Variants in NHLRC3 observed in about 807,000 individuals in gnomAD.
The protein encoded by NHLRC3 is NHL repeat-containing protein 3.
A neutral mutation model predicts 32.0 loss-of-function variants in NHLRC3; 23 were observed. That is an observed-to-expected ratio of 0.72 (90% CI 0.52 to 1.02). The LOEUF is 1.02. Among genes scored for constraint, NHLRC3 ranks in the 50% least tolerant of loss-of-function variants. NHLRC3 has a pLI of 0.00. For synonymous variants in NHLRC3, 159 were observed against 147.9 expected (o/e 1.08, Z -0.55); for missense variants, 407 against 406.8 (o/e 1.00, Z -0.01).
At chr13:39,044,568 A>C (rs565894841) in intron 5 of NHLRC3, 1 of 166,664 alleles carries the variant, frequency 6.0e-6, no homozygotes, top group South Asian at 2.0e-4. Flanking sequence ...ATATCTTTTC[A>C]CTTCTCAAGA....
intron 5 of NHLRC3, 57 bp downstream of exon 5, chr13:39,044,238 T>TGTGTGG: frequency 2.4e-6 from 2 of 827,196 alleles, no homozygotes; most frequent in South Asian, 3.3e-5. Context: ...TTTGTGTGTG[T>TGTGTGG]GTGTGTGTGT....
At chr13:39,038,420 G>A (rs923293188), upstream of NHLRC3, 4 of 576,154 alleles carry the variant, frequency 6.9e-6, no homozygotes, top group Admixed American at 6.1e-5. Context: ...ACCCCGAAAT[G>A]CACACGAAGT....
Position 39,043,974 on chromosome 13 carries a change from T to C in NHLRC3, c.587-116T>C, listed in dbSNP as rs1871560528. On this transcript the variant is annotated intron_variant, in intron 4 of 6. Transcript: ENST00000379600. Reference sequence around the variant, plus strand: ...TATAGACAGGAAAGCCGAGAAAGCATAGTCAAGTGAACCAGCGGTGTAATT... The same window carrying C: ...TATAGACAGGAAAGCCGAGAAAGCACAGTCAAGTGAACCAGCGGTGTAATT... The C allele has an allele frequency of 4.0e-6, 3 of 753,912 alleles. No individual in the cohort carries two copies. In the East Asian group the frequency reaches 7.5e-5, roughly 19 times the overall value. The allele number at this position is 753,912 out of a possible 1,614,324, so 46.7% of individuals were successfully genotyped here.
At chr13:39,044,654 C>T (rs1417543432) in intron 5 of NHLRC3, among the ~76,000 whole-genome samples, 1 of 152,210 alleles carries the variant, frequency 6.6e-6, no homozygotes, top group African/African-American at 2.4e-5. Context: ...TAGGCAAACT[C>T]TTGTTCTCAC....
At chr13:39,046,955 T>C in intron 5 of NHLRC3, 85 bp from the exon 6 acceptor site, 1 of 873,448 alleles carries the variant, frequency 1.1e-6, no homozygotes, top group South Asian at 1.4e-5. Context: ...AGATAATGTA[T>C]GGTGAAACTA....
chr13:39,038,411 C>G (rs1040963162), upstream of NHLRC3: 2 of 569,006 alleles, frequency 3.5e-6, no homozygotes, highest in Non-Finnish European at 6.3e-6. Flanking sequence ...AGGGCGGGGA[C>G]CCCGAAATGC....
intron 1 of NHLRC3, 75 bp from the exon 2 acceptor site, chr13:39,039,061 T>TTGC: frequency 3.9e-6 from 3 of 760,178 alleles, no homozygotes; most frequent in African/African-American, 1.7e-5. Context: ...TAAGCCCTGT[T>TTGC]ACCCGGCCCC....
chr13:39,044,024 A>G, intron 4 of NHLRC3, 66 bp from the exon 5 acceptor site: 2 of 1,146,212 alleles, frequency 1.7e-6, no homozygotes, highest in Non-Finnish European at 2.6e-6. Flanking sequence ...AACCTGTTTC[A>G]TAAAATATGC....
At position 39,044,166 on chromosome 13, in the gene NHLRC3, T is replaced by G. The variant is rs1225939285; in HGVS notation, c.663T>G (p.Leu221=). 1.2e-6 allele frequency: 2 copies of G among 1,611,856 alleles called. No individual in the cohort carries two copies. The highest frequency in any genetic ancestry group is 1.7e-6 in the Non-Finnish European group (2 of 1,178,128). ...AKFNIPHSVT[L]DSAGRVWVAD... is the part of the protein sequence containing the mutation. ...TCAACATACCTCACAGTGTTACACTTGATTCAGCTGGTCGGGTACAAATAC... is the reference window on the plus strand; with the variant it reads ...TCAACATACCTCACAGTGTTACACTGGATTCAGCTGGTCGGGTACAAATAC... The change falls in exon 5 of 7, where the codon CTT becomes CTG. Residue 221 remains leucine, a synonymous_variant. Transcript: ENST00000379600.
In NHLRC3 at chr13:39,042,163, G is replaced by A. The variant is rs1251446507; in HGVS notation, c.444G>A (p.Leu148=). 6.2e-7 allele frequency: 1 copy of A among 1,612,202 alleles called. No homozygotes were observed. The highest frequency in any genetic ancestry group is 2.2e-5 in the East Asian group (1 of 44,774). ...YSSFGDLVQV[L]GTPGKKGTSL... ...CTTTTGGTGATCTTGTTCAAGTCTT[G>A]GGTACTCCAGGCAAAAAAGGCACTA... Residue 148 remains leucine, a synonymous_variant, in exon 4 of 7, where the codon TTG becomes TTA. Coordinates refer to ENST00000379600, the MANE Select transcript of NHLRC3 (RefSeq NM_001012754.4).
intron 5 of NHLRC3, among the ~76,000 whole-genome samples, chr13:39,046,389 A>C (rs760674051): frequency 2.6e-5 from 4 of 152,212 alleles, no homozygotes; most frequent in Non-Finnish European, 5.9e-5. Context: ...GTCATTTAGA[A>C]TGCATCTCAC....
At position 39,039,561 on chromosome 13, in the gene NHLRC3, C is replaced by T. The variant is rs759231375; in HGVS notation, c.238-3C>T. ...TAAGAAGTTATTTTTTGTATACCTTCAGAGAGGGGATAACATCCCAAAGAT... is the reference window on the plus strand; with the variant it reads ...TAAGAAGTTATTTTTTGTATACCTTTAGAGAGGGGATAACATCCCAAAGAT... On this transcript the variant is annotated splice_polypyrimidine_tract_variant and splice_region_variant and intron_variant, in intron 2 of 6. Coordinates refer to ENST00000379600, the MANE Select transcript of NHLRC3 (RefSeq NM_001012754.4). 2.5e-6 allele frequency: 4 copies of T among 1,608,738 alleles called. No individual in the cohort carries two copies. The highest frequency in any genetic ancestry group is 2.2e-5 in the South Asian group (2 of 90,922).
intron 5 of NHLRC3, among the ~76,000 whole-genome samples, chr13:39,045,608 G>C (rs1871641323): frequency 6.6e-6 from 1 of 152,176 alleles, no homozygotes; most frequent in Non-Finnish European, 1.5e-5. Context: ...AAAATTCATT[G>C]AGTGTTGAGC....
intron 6 of NHLRC3, 63 bp from the exon 7 acceptor site, chr13:39,047,611 T>TG: frequency 1.4e-6 from 2 of 1,428,298 alleles, no homozygotes; most frequent in South Asian, 2.5e-5. Context: ...ATTAAAATGT[T>TG]GAAAAAAAAT....
intron 6 of NHLRC3, 113 bp from the exon 7 acceptor site, chr13:39,047,561 T>TCAG (rs1871727307): frequency 1.4e-6 from 1 of 718,360 alleles, no homozygotes; most frequent in South Asian, 2.1e-5. Context: ...AAAGAATCAT[T>TCAG]CAGCAAGTAG....
rs981795026 is a variant in NHLRC3 at position 39,049,276 on chromosome 13, T to G, written c.*1350T>G. 30 of 152,736 alleles carry G rather than the reference T, an allele frequency of 2.0e-4. No homozygotes were observed. Among genetic ancestry groups the G allele is most frequent in the African/African-American group, 7.2e-4 (30 of 41,578 alleles). The allele number at this position is 152,736 out of a possible 1,614,324, so 9.5% of individuals were successfully genotyped here. On this transcript the variant is annotated 3_prime_UTR_variant, in exon 7 of 7. Coordinates refer to ENST00000379600, the MANE Select transcript of NHLRC3 (RefSeq NM_001012754.4). ...CTGAAGGGACTCACACTTGTTTTGA[T>G]ACTTGGATCACATCTCCGTGAGGTT...
intron 6 of NHLRC3, 40 bp downstream of exon 6, chr13:39,047,192 AGTGT>A: frequency 8.8e-6 from 10 of 1,142,304 alleles, no homozygotes; most frequent in Non-Finnish European, 1.3e-5. Context: ...TGTTTTAGTT[AGTGT>A]ATGTGTCTCA....
At chr13:39,041,859 T>C (rs1871476829) in intron 3 of NHLRC3, 1 of 424,340 alleles carries the variant, frequency 2.4e-6, no homozygotes, top group Middle Eastern at 6.5e-4. Context: ...GAGTCAATTA[T>C]GGGGATGTTA....
rs189264082 is a variant in NHLRC3 at position 39,039,727 on chromosome 13, T to A, written c.385+16T>A. 17 of 1,571,452 alleles carry A rather than the reference T, an allele frequency of 1.1e-5. 1 individual carries two copies. In the East Asian group the frequency reaches 3.4e-4, roughly 31 times the overall value. On this transcript the variant is annotated intron_variant, in intron 3 of 6. Transcript: ENST00000379600. Reference sequence around the variant, plus strand: ...GTAGGAAGTGGTATGTATAGTAATATCTATTAAATTATCTTACTGGAAATC... The same window carrying A: ...GTAGGAAGTGGTATGTATAGTAATAACTATTAAATTATCTTACTGGAAATC...
Sources: allele counts gnomAD v4.1 joint callset (sites outside exome capture counted in the v4.1 genomes callset), GRCh38; gene constraint gnomAD v4.1.1; transcripts MANE v1.5; gene names NCBI Gene and HGNC (gene_info 2026-07-23, HGNC 2026-07-21).